Variants in KCNMA1 observed in about 807,000 individuals in gnomAD.
KCNMA1 encodes the protein Calcium-activated potassium channel subunit alpha-1.
KCNMA1 carries 29 observed loss-of-function variants against 140.0 expected under a neutral mutation model. That is an observed-to-expected ratio of 0.21 (90% CI 0.15 to 0.28). The LOEUF (loss-of-function observed/expected upper bound fraction) is 0.28, where lower values mean the gene tolerates loss of function less well. Among genes scored for constraint, KCNMA1 ranks in the 10% least tolerant of loss-of-function variants. The probability of loss-of-function intolerance (pLI) is 1.00; values close to 1 mark genes in which losing one functional copy is unlikely to be tolerated. For synonymous variants in KCNMA1, 612 were observed against 611.9 expected (o/e 1.00, Z 0.00); for missense variants, 880 against 1,602.2 (o/e 0.55, Z 7.70).
intron 1 of KCNMA1, among the ~76,000 whole-genome samples, chr10:77,558,159 A>C (rs571181631): frequency 9.2e-5 from 14 of 152,318 alleles, no homozygotes; most frequent in African/African-American, 2.6e-4. Context: ...GTTAAGGAAA[A>C]GACTCAGAAA....
At chr10:77,553,079 CG>C (rs906130112) in intron 1 of KCNMA1, among the ~76,000 whole-genome samples, 1 of 148,266 alleles carries the variant, frequency 6.7e-6, no homozygotes, top group African/African-American at 2.5e-5. Flanking sequence ...CGCCGGGTGG[CG>C]GGGTGGGGAG....
chr10:77,132,844 T>A (rs752132552), intron 5 of KCNMA1, among the ~76,000 whole-genome samples: 1 of 151,876 alleles, frequency 6.6e-6, no homozygotes, highest in Admixed American at 6.6e-5. Context: ...GAAAGAAAAA[T>A]AAATCCAAAA....
intron 5 of KCNMA1, among the ~76,000 whole-genome samples, chr10:77,139,316 T>C (rs1465683702): frequency 6.6e-6 from 1 of 152,204 alleles, no homozygotes; most frequent in Non-Finnish European, 1.5e-5. Context: ...GATGTTACAG[T>C]ACAGAGCAGC....
intron 2 of KCNMA1, among the ~76,000 whole-genome samples, chr10:77,272,444 A>G (rs2065418686): frequency 6.6e-6 from 1 of 152,102 alleles, no homozygotes; most frequent in Non-Finnish European, 1.5e-5. Context: ...TATATGTCTT[A>G]TCTCCCCAAC....
chr10:77,359,449 C>A (rs200689856), intron 2 of KCNMA1, among the ~76,000 whole-genome samples: 1 of 152,112 alleles, frequency 6.6e-6, no homozygotes, highest in Admixed American at 6.5e-5. Flanking sequence ...TGTGGGGTGA[C>A]AAAAACAGCC....
chr10:77,086,691 G>A (rs1595669393), intron 10 of KCNMA1, 98 bp from the exon 11 acceptor site: 2 of 838,838 alleles, frequency 2.4e-6, no homozygotes, highest in East Asian at 5.2e-5. Context: ...GGAGCCCTGG[G>A]GAGAGGCTGT....
At chr10:76,959,072 A>G (rs927257196) in intron 20 of KCNMA1, among the ~76,000 whole-genome samples, 27 of 152,284 alleles carry the variant, frequency 1.8e-4, no homozygotes, top group African/African-American at 6.0e-4. Flanking sequence ...TTTTCGGCCA[A>G]TATCCTTCCC....
intron 14 of KCNMA1, among the ~76,000 whole-genome samples, chr10:77,043,520 A>T (rs1236792681): frequency 6.6e-6 from 1 of 152,208 alleles, no homozygotes; most frequent in Non-Finnish European, 1.5e-5. Flanking sequence ...TGGAAGAAGG[A>T]TCTCAAAGAG....
chr10:77,458,007 C>A (rs538641408), intron 1 of KCNMA1, among the ~76,000 whole-genome samples: 29 of 152,216 alleles, frequency 1.9e-4, no homozygotes, highest in Admixed American at 1.9e-3. Flanking sequence ...TCAGATCAAA[C>A]GGCAGCCCGA....
chr10:77,244,790 G>C (rs1050834298), intron 3 of KCNMA1, among the ~76,000 whole-genome samples: 10 of 114,330 alleles, frequency 8.7e-5, no homozygotes, highest in African/African-American at 3.7e-4. Context: ...GCTATTAAAG[G>C]GTACATTCTG....
At chr10:76,947,644 G>A (rs1048143258) in intron 22 of KCNMA1, among the ~76,000 whole-genome samples, 2 of 152,206 alleles carry the variant, frequency 1.3e-5, no homozygotes, top group Non-Finnish European at 2.9e-5. Flanking sequence ...CTCTGTGTAT[G>A]ACTGTTTGTC....
chr10:77,428,354 G>A (rs986452529), intron 1 of KCNMA1, among the ~76,000 whole-genome samples: 9 of 152,240 alleles, frequency 5.9e-5, no homozygotes, highest in African/African-American at 2.2e-4. Flanking sequence ...AAAATAACGA[G>A]GTCTCTGATG....
intron 9 of KCNMA1, among the ~76,000 whole-genome samples, chr10:77,101,593 C>T (rs571734738): frequency 3.3e-5 from 5 of 152,186 alleles, no homozygotes; most frequent in Non-Finnish European, 7.4e-5. Flanking sequence ...AAAGACATTG[C>T]TGAGGGGTTC....
chr10:77,618,828 C>G (rs915808790), intron 1 of KCNMA1, among the ~76,000 whole-genome samples: 2 of 152,180 alleles, frequency 1.3e-5, no homozygotes, highest in African/African-American at 4.8e-5. Context: ...ACTTTCTTCT[C>G]TAGAAATCCC....
chr10:77,261,462 C>T (rs1361501372), intron 2 of KCNMA1, among the ~76,000 whole-genome samples: 1 of 152,068 alleles, frequency 6.6e-6, no homozygotes, highest in East Asian at 1.9e-4. Context: ...GGTTCGTGTT[C>T]CCCAAACATC....
chr10:77,348,459 A>G (rs2092471451), intron 2 of KCNMA1, among the ~76,000 whole-genome samples: 1 of 152,186 alleles, frequency 6.6e-6, no homozygotes, highest in Non-Finnish European at 1.5e-5. Context: ...CACATGCTGA[A>G]TGAAGGCCCA....
chr10:77,427,910 G>A (rs568256506), intron 1 of KCNMA1, among the ~76,000 whole-genome samples: 193 of 151,878 alleles, frequency 1.3e-3, no homozygotes, highest in African/African-American at 4.5e-3. Context: ...ATGCCACCAC[G>A]CCTGGCTAAT....
intron 1 of KCNMA1, among the ~76,000 whole-genome samples, chr10:77,440,964 G>T (rs928338141): frequency 1.3e-5 from 2 of 151,854 alleles, no homozygotes; most frequent in Non-Finnish European, 2.9e-5. Context: ...GACTGCAGGC[G>T]CCAGCCACCA....
intron 10 of KCNMA1, 133 bp from the exon 11 acceptor site, chr10:77,086,726 C>G: frequency 4.2e-6 from 3 of 711,456 alleles, no homozygotes; most frequent in Non-Finnish European, 5.0e-6. Flanking sequence ...CTTTTGCTTG[C>G]CATAAATAAA....
Sources: allele counts gnomAD v4.1 joint callset (sites outside exome capture counted in the v4.1 genomes callset), GRCh38; gene constraint gnomAD v4.1.1; transcripts MANE v1.5; gene names NCBI Gene and HGNC (gene_info 2026-07-23, HGNC 2026-07-21).